The following AP2A2 variants were observed in gnomAD, a reference collection of about 807,000 sequenced individuals.
AP2A2 encodes adaptor related protein complex 2 subunit alpha 2.
A neutral mutation model predicts 104.2 loss-of-function variants in AP2A2; 32 were observed. That is an observed-to-expected ratio of 0.31 (90% CI 0.23 to 0.41). The LOEUF is 0.41. Among genes scored for constraint, AP2A2 ranks in the 10% least tolerant of loss-of-function variants. AP2A2 has a pLI of 1.00. For missense variants in AP2A2, 912 were observed against 1,261.0 expected (o/e 0.72, Z 4.19); for synonymous variants, 539 against 533.3 (o/e 1.01, Z -0.15).
intron 2 of AP2A2, among the ~76,000 whole-genome samples, chr11:964,217 T>C (rs757514030): frequency 1.3e-5 from 2 of 152,176 alleles, no homozygotes; most frequent in Non-Finnish European, 2.9e-5. Flanking sequence ...CCTCAAAATG[T>C]TGGGAAGGTT....
chr11:969,366 A>C (rs1316651247), intron 2 of AP2A2, among the ~76,000 whole-genome samples: 2 of 150,728 alleles, frequency 1.3e-5, no homozygotes, highest in Non-Finnish European at 2.9e-5. Context: ...AGTAGCTGGG[A>C]TTACAGGCAT....
chr11:995,395 C>G, intron 14 of AP2A2: 1 of 455,820 alleles, frequency 2.2e-6, no homozygotes, highest in Middle Eastern at 3.3e-4. Flanking sequence ...GCCAGCTGTT[C>G]CCCTCTGCAC....
At chr11:1,007,903 A>C in intron 17 of AP2A2, 109 bp from the exon 18 acceptor site, 1 of 1,487,996 alleles carries the variant, frequency 6.7e-7, no homozygotes, top group Non-Finnish European at 9.1e-7. Context: ...TGGTGGTCCT[A>C]GAGTGTGGTG....
At chr11:928,791 G>A (rs564698016) in intron 1 of AP2A2, among the ~76,000 whole-genome samples, 4 of 152,184 alleles carry the variant, frequency 2.6e-5, no homozygotes, top group Non-Finnish European at 5.9e-5. Context: ...CCCCTTTCTC[G>A]GAATCCTCTT....
At chr11:1,008,582 C>T (rs544613079) in intron 18 of AP2A2, 1 of 193,264 alleles carries the variant, frequency 5.2e-6, no homozygotes. Context: ...TAGGATTTTC[C>T]TGTTGCGACT....
intron 1 of AP2A2, among the ~76,000 whole-genome samples, chr11:928,708 C>A (rs1483664477): frequency 6.6e-6 from 1 of 152,248 alleles, no homozygotes; most frequent in Non-Finnish European, 1.5e-5. Flanking sequence ...ATAACACAGC[C>A]CCTCCCCTGA....
At chr11:1,007,832 T>G in intron 17 of AP2A2, 180 bp from the exon 18 acceptor site, 1 of 793,994 alleles carries the variant, frequency 1.3e-6, no homozygotes, top group Non-Finnish European at 2.0e-6. Context: ...CAGACAGTGT[T>G]TTGAGGATTG....
intron 10 of AP2A2, among the ~76,000 whole-genome samples, chr11:990,326 G>A (rs539245255): frequency 6.6e-6 from 1 of 152,288 alleles, no homozygotes; most frequent in East Asian, 1.9e-4. Flanking sequence ...GCAGGTGCTC[G>A]TTGACTGTAG....
Position 993,322 on chromosome 11 carries a change from A to G in AP2A2, c.1491A>G (p.Lys497=). 1 of 1,612,668 alleles carries G rather than the reference A, an allele frequency of 6.2e-7. No homozygotes were observed. The highest frequency in any genetic ancestry group is 8.5e-7 in the Non-Finnish European group (1 of 1,179,514). The change falls in exon 12 of 22, where the codon AAA becomes AAG. Residue 497 remains lysine (K), a synonymous_variant. Transcript: ENST00000448903. The surrounding 1 kb of genome is among the most constrained non-coding windows in gnomAD (Gnocchi z 8.2). ...QAPACHENLV[K]VGGYILGEFG... The stretch of plus-strand genomic sequence containing the variant: ...CCGCGTGCCACGAGAACCTGGTCAA[A>G]GTGGGCGGCTACATCCTGGGGGAGT...
intron 18 of AP2A2, chr11:1,008,768 GTT>G (rs1244248039): frequency 2.6e-6 from 1 of 385,488 alleles, no homozygotes; most frequent in African/African-American, 2.0e-5. Context: ...GCAAGTTTTT[GTT>G]TCATTCTTTG....
intron 3 of AP2A2, among the ~76,000 whole-genome samples, chr11:970,595 T>C (rs1165314208): frequency 6.6e-6 from 1 of 152,288 alleles, no homozygotes; most frequent in Non-Finnish European, 1.5e-5. Flanking sequence ...CCATGCCTTT[T>C]CCTCCTTTCT....
intron 5 of AP2A2, among the ~76,000 whole-genome samples, chr11:980,711 T>C (rs1194467474): frequency 2.0e-5 from 3 of 152,240 alleles, no homozygotes; most frequent in Non-Finnish European, 4.4e-5. Context: ...AGGGCCACTT[T>C]CCAAAAAGGA....
Position 985,420 on chromosome 11 carries a change from T to C in AP2A2, c.815-15T>C. On this transcript the variant is annotated splice_polypyrimidine_tract_variant and intron_variant, in intron 7 of 21. Transcript: ENST00000448903. ...CACTGGAGACTGGTGAGCACCGTTCTGTCTTGCCCAGAAGACCCTGCAGTG... is the reference window on the plus strand; with the variant it reads ...CACTGGAGACTGGTGAGCACCGTTCCGTCTTGCCCAGAAGACCCTGCAGTG... 1 of 1,612,036 alleles carries C rather than the reference T, an allele frequency of 6.2e-7. No individual in the cohort carries two copies.
intron 18 of AP2A2, 114 bp from the exon 19 acceptor site, chr11:1,008,986 G>T: frequency 1.2e-6 from 1 of 840,062 alleles, no homozygotes; most frequent in Non-Finnish European, 1.9e-6. Context: ...CCCCCGACCC[G>T]CTCTGGTGGG....
At chr11:999,477 CAAT>C (rs1855958447) in intron 14 of AP2A2, among the ~76,000 whole-genome samples, 2 of 152,052 alleles carry the variant, frequency 1.3e-5, no homozygotes, top group South Asian at 4.1e-4. Context: ...CCAGCCTGGG[CAAT>C]AGAGTGAGAC....
intron 4 of AP2A2, among the ~76,000 whole-genome samples, chr11:972,568 G>C (rs1381682306): frequency 6.6e-6 from 1 of 152,174 alleles, no homozygotes; most frequent in African/African-American, 2.4e-5. Context: ...GTGGTGGCGT[G>C]CTCCTGTCGT....
At chr11:977,597 G>C (rs1242935414) in intron 5 of AP2A2, among the ~76,000 whole-genome samples, 1 of 151,334 alleles carries the variant, frequency 6.6e-6, no homozygotes, top group Non-Finnish European at 1.5e-5. Flanking sequence ...CTACTCCACG[G>C]GCCAGGCCCC....
At chr11:991,747 A>T (rs1590002656) in intron 10 of AP2A2, among the ~76,000 whole-genome samples, 1 of 58,022 alleles carries the variant, frequency 1.7e-5, no homozygotes. Context: ...GGCCAGTGGC[A>T]GGGTGTGGAG....
chr11:936,713 T>C (rs1853470714), intron 1 of AP2A2, among the ~76,000 whole-genome samples: 1 of 152,200 alleles, frequency 6.6e-6, no homozygotes. Flanking sequence ...TGCTTGACGT[T>C]GTGAATTTCA....
Sources: allele counts gnomAD v4.1 joint callset (sites outside exome capture counted in the v4.1 genomes callset), GRCh38; gene constraint gnomAD v4.1.1; non-coding constraint Gnocchi (gnomAD v3.1); transcripts MANE v1.5; gene names NCBI Gene and HGNC (gene_info 2026-07-23, HGNC 2026-07-21).